The following BLTP3B variants were observed in gnomAD, a reference collection of about 807,000 sequenced individuals.
The protein encoded by BLTP3B is bridge-like lipid transfer protein family member 3B, also known as UHRF1 (ICBP90) binding protein 1-like.
the BLTP3B span, among the ~76,000 whole-genome samples, chr12:100,056,600 C>T: frequency 1.9e-3 from 288 of 151,248 alleles, 1 homozygote; most frequent in African/African-American, 4.9e-3. Flanking sequence ...CATTTTGGGA[C>T]GCCGAGGTGC....
chr12:100,058,141 T>G, the BLTP3B span: 11 of 1,613,532 alleles, frequency 6.8e-6, no homozygotes, highest in Non-Finnish European at 8.5e-6. Flanking sequence ...GCTTTAAAGA[T>G]GGACTCTATG....
the BLTP3B span, among the ~76,000 whole-genome samples, chr12:100,079,791 A>G: frequency 2.0e-5 from 3 of 152,188 alleles, no homozygotes; most frequent in African/African-American, 7.2e-5. Context: ...CCTAGAAGGA[A>G]AAAGTGGTTT....
At chr12:100,074,011 T>A in the BLTP3B span, among the ~76,000 whole-genome samples, 3 of 152,116 alleles carry the variant, frequency 2.0e-5, no homozygotes, top group Admixed American at 6.6e-5. Context: ...TACTGGAAGT[T>A]CTAGCTAGAG....
chr12:100,092,936 T>C, the BLTP3B span: 1 of 985,400 alleles, frequency 1.0e-6, no homozygotes, highest in Non-Finnish European at 1.2e-6. Flanking sequence ...CCTTCTGCCT[T>C]CCCTTATTGG....
chr12:100,135,281 C>CTTTTTTTTTTTTTTTTTTTTTTTTTT, the BLTP3B span, among the ~76,000 whole-genome samples: 3 of 141,224 alleles, frequency 2.1e-5, no homozygotes, highest in African/African-American at 5.5e-5. Context: ...TTCTTTCTTT[C>CTTTTTTTTTTTTTTTTTTTTTTTTTT]TTTTTTTTTT....
the BLTP3B span, chr12:100,070,177 A>G: frequency 6.4e-7 from 1 of 1,560,730 alleles, no homozygotes; most frequent in Non-Finnish European, 8.7e-7. Context: ...CAGCTGAGAG[A>G]AACAAATGAG....
chr12:100,047,914 T>A, the BLTP3B span: 28 of 1,418,828 alleles, frequency 2.0e-5, no homozygotes, highest in Middle Eastern at 7.7e-4. Context: ...AAAAGGAACA[T>A]GAAAATATAA....
At chr12:100,142,457 C>G in the BLTP3B span, 1 of 983,308 alleles carries the variant, frequency 1.0e-6, no homozygotes, top group Non-Finnish European at 1.5e-6. Flanking sequence ...CGACCTCTGC[C>G]CCGGCCAGAG....
chr12:100,070,420 C>T, the BLTP3B span, among the ~76,000 whole-genome samples: 4 of 152,034 alleles, frequency 2.6e-5, no homozygotes, highest in Non-Finnish European at 2.9e-5. Flanking sequence ...CCACCACGCA[C>T]GGCTAATTTG....
the BLTP3B span, chr12:100,142,717 C>A: frequency 6.5e-7 from 1 of 1,534,310 alleles, no homozygotes; most frequent in African/African-American, 1.4e-5. Flanking sequence ...TCTGTCCCGG[C>A]TAGCCCGGCC....
At chr12:100,044,997 C>T in the BLTP3B span, among the ~76,000 whole-genome samples, 15 of 152,114 alleles carry the variant, frequency 9.9e-5, no homozygotes, top group African/African-American at 3.1e-4. Context: ...CTCTCATTCA[C>T]AATTACTACA....
the BLTP3B span, among the ~76,000 whole-genome samples, chr12:100,069,211 C>T: frequency 3.0e-4 from 46 of 151,810 alleles, no homozygotes; most frequent in African/African-American, 1.1e-3. Flanking sequence ...GACTCCATCT[C>T]AAAAAACAAA....
At chr12:100,068,087 G>A in the BLTP3B span, among the ~76,000 whole-genome samples, 2 of 152,124 alleles carry the variant, frequency 1.3e-5, no homozygotes, top group Admixed American at 6.6e-5. Flanking sequence ...CATATTACCT[G>A]ATTTCAAACT....
chr12:100,124,934 TTTTATATATATATA>T, the BLTP3B span, among the ~76,000 whole-genome samples: 141 of 37,000 alleles, frequency 3.8e-3, no homozygotes, highest in Non-Finnish European at 6.2e-3. Context: ...AAAAAAAAAA[TTTTATATATATATA>T]TATATATATA....
the BLTP3B span, among the ~76,000 whole-genome samples, chr12:100,120,791 G>A: frequency 6.7e-6 from 1 of 149,038 alleles, no homozygotes; most frequent in East Asian, 1.9e-4. Context: ...ATACAATTAT[G>A]TAAGAGAGAG....
the BLTP3B span, among the ~76,000 whole-genome samples, chr12:100,048,735 G>GGGGGGA: frequency 5.0e-5 from 6 of 119,552 alleles, no homozygotes; most frequent in Admixed American, 8.4e-5. Flanking sequence ...GTAAGGGGGG[G>GGGGGGA]GAGAGAGAGA....
chr12:100,141,111 C>A, the BLTP3B span, among the ~76,000 whole-genome samples: 2 of 151,784 alleles, frequency 1.3e-5, no homozygotes, highest in African/African-American at 4.8e-5. Context: ...TAGATAAAAC[C>A]TTCCAAAATA....
chr12:100,134,078 A>G, the BLTP3B span, among the ~76,000 whole-genome samples: 4 of 152,246 alleles, frequency 2.6e-5, no homozygotes, highest in Non-Finnish European at 5.9e-5. Context: ...GGGGGTCTTG[A>G]AGTGTGCTGC....
the BLTP3B span, among the ~76,000 whole-genome samples, chr12:100,079,851 T>C: frequency 6.6e-6 from 1 of 152,180 alleles, no homozygotes. Context: ...AGGGATTTGG[T>C]ACCCTGCATC....
Sources: allele counts gnomAD v4.1 joint callset (sites outside exome capture counted in the v4.1 genomes callset), GRCh38; gene constraint gnomAD v4.1.1; transcripts MANE v1.5; gene names NCBI Gene and HGNC (gene_info 2026-07-23, HGNC 2026-07-21).